The following KIAA1549 variants were observed in gnomAD, a reference collection of about 807,000 sequenced individuals.
The protein encoded by KIAA1549 is KIAA1549, also known as UPF0606 protein KIAA1549.
Under a neutral mutation model 156.4 loss-of-function variants are expected in KIAA1549, and 70 were observed. The observed-to-expected ratio is 0.45, with a 90% CI of 0.37 to 0.55. The LOEUF is 0.55. Ranked by LOEUF, KIAA1549 falls within the 20% of genes least tolerant of loss-of-function variation. KIAA1549 has a pLI of 0.00. For missense variants in KIAA1549, 2,428 were observed against 2,540.9 expected (o/e 0.96, Z 0.96); for synonymous variants, 1,103 against 1,066.4 (o/e 1.03, Z -0.67).
In KIAA1549 at chr7:138,837,639, G is replaced by A. The variant is rs948209640; in HGVS notation, c.*267C>T. ...AGTCATTTTGTTAGCTTAGGTTTGT[G>A]TTTTGTTTTTGTGAAGTGCTGCTGG... On this transcript the variant is annotated 3_prime_UTR_variant, in exon 20 of 20. Transcript: ENST00000422774. 1 of 558,052 alleles carries A rather than the reference G, an allele frequency of 1.8e-6. No individual in the cohort carries two copies. The highest frequency in any genetic ancestry group is 3.1e-6 in the Non-Finnish European group (1 of 318,382). 34.6% of individuals were successfully genotyped at this position (558,052 alleles called of 1,614,324 possible).
intron 15 of KIAA1549, among the ~76,000 whole-genome samples, chr7:138,865,943 G>A (rs928053192): frequency 3.9e-5 from 6 of 152,138 alleles, no homozygotes; most frequent in Admixed American, 3.3e-4. Flanking sequence ...CCTTCTATCT[G>A]TTTCACACCA....
intron 17 of KIAA1549, among the ~76,000 whole-genome samples, chr7:138,851,968 G>A (rs1482244374): frequency 6.6e-6 from 1 of 152,212 alleles, no homozygotes; most frequent in Admixed American, 6.5e-5. Flanking sequence ...ACTCTGTGGG[G>A]TTTTTAATGT....
intron 9 of KIAA1549, among the ~76,000 whole-genome samples, chr7:138,897,163 G>C (rs1384784707): frequency 6.6e-6 from 1 of 152,168 alleles, no homozygotes. Context: ...GGCTGGAGTA[G>C]GGCACGTCTC....
intron 2 of KIAA1549, among the ~76,000 whole-genome samples, chr7:138,916,122 AAG>A (rs1812313693): frequency 6.6e-6 from 1 of 152,142 alleles, no homozygotes; most frequent in Non-Finnish European, 1.5e-5. Flanking sequence ...TATAAGAGCA[AAG>A]AGTCACTTTA....
intron 3 of KIAA1549, among the ~76,000 whole-genome samples, chr7:138,911,674 T>A (rs1286454906): frequency 6.6e-6 from 1 of 152,214 alleles, no homozygotes; most frequent in Non-Finnish European, 1.5e-5. Flanking sequence ...AGTGGCCACA[T>A]TAAAAAACAT....
intron 1 of KIAA1549, among the ~76,000 whole-genome samples, chr7:138,950,097 G>C (rs140879764): frequency 1.3e-5 from 2 of 152,176 alleles, no homozygotes; most frequent in African/African-American, 4.8e-5. Flanking sequence ...ATTTCAGCTG[G>C]GGATGGTAGT....
chr7:138,897,090 A>G (rs1440646139), intron 9 of KIAA1549, among the ~76,000 whole-genome samples: 2 of 152,198 alleles, frequency 1.3e-5, no homozygotes, highest in African/African-American at 2.4e-5. Flanking sequence ...AAAGAGGTGC[A>G]AGATCACATC....
chr7:138,883,748 C>T (rs1027193755), intron 10 of KIAA1549, among the ~76,000 whole-genome samples: 8 of 152,190 alleles, frequency 5.3e-5, no homozygotes, highest in Non-Finnish European at 1.2e-4. Flanking sequence ...CAGCAATGGT[C>T]GTCCCAAGGG....
chr7:138,919,521 T>G, intron 1 of KIAA1549, 83 bp from the exon 2 acceptor site: 1 of 1,526,410 alleles, frequency 6.6e-7, no homozygotes. Context: ...GAGAATTTAC[T>G]CATTTAACAA....
At chr7:138,846,563 C>T (rs538460652) in intron 17 of KIAA1549, among the ~76,000 whole-genome samples, 23 of 146,650 alleles carry the variant, frequency 1.6e-4, no homozygotes, top group African/African-American at 5.3e-4. Flanking sequence ...AAAAAGACGA[C>T]GACTAGCAGT....
intron 1 of KIAA1549, among the ~76,000 whole-genome samples, chr7:138,940,108 G>A (rs1006469329): frequency 6.6e-6 from 1 of 152,112 alleles, no homozygotes; most frequent in African/African-American, 2.4e-5. Context: ...TTCATGTGCT[G>A]CACCCATTAA....
At chr7:138,955,884 C>T (rs538075738) in intron 1 of KIAA1549, among the ~76,000 whole-genome samples, 2 of 152,136 alleles carry the variant, frequency 1.3e-5, no homozygotes, top group Admixed American at 6.5e-5. Context: ...GAGGCACTGA[C>T]GGTTGTTTTT....
At chr7:138,912,609 G>A in intron 2 of KIAA1549, 149 bp from the exon 3 acceptor site, 1 of 655,808 alleles carries the variant, frequency 1.5e-6, no homozygotes, top group Non-Finnish European at 2.7e-6. Context: ...GACAGAACAG[G>A]GGTTAAGGAT....
Position 138,879,656 on chromosome 7 carries a change from G to A in KIAA1549, c.4230-3C>T. ...AGTCAGCATCTGAGGGAGAAACTCT[G>A]CAGACACAAAATGAATTGCAAACAT... On this transcript the variant is annotated splice_region_variant and splice_polypyrimidine_tract_variant and intron_variant, in intron 11 of 19. Coordinates refer to ENST00000422774, the MANE Select transcript of KIAA1549 (RefSeq NM_001164665.2). 1 of 1,492,850 alleles carries A rather than the reference G, an allele frequency of 6.7e-7. No individual in the cohort carries two copies. The highest frequency in any genetic ancestry group is 9.0e-7 in the Non-Finnish European group (1 of 1,105,396). The allele number at this position is 1,492,850 out of a possible 1,614,324, so 92.5% of individuals were successfully genotyped here.
At chr7:138,977,574 A>G (rs1814415615) in intron 1 of KIAA1549, among the ~76,000 whole-genome samples, 1 of 152,102 alleles carries the variant, frequency 6.6e-6, no homozygotes, top group African/African-American at 2.4e-5. Context: ...CATTTTGAAC[A>G]AAAGATGCAG....
At chr7:138,940,575 C>T (rs942088229) in intron 1 of KIAA1549, among the ~76,000 whole-genome samples, 1 of 151,682 alleles carries the variant, frequency 6.6e-6, no homozygotes, top group Non-Finnish European at 1.5e-5. Flanking sequence ...TTCTAGATCC[C>T]TGAGGAATCG....
rs1165842793 is a variant in KIAA1549, at chr7:138,918,333, T to G, written c.1293A>C (p.Gln431His). The change falls in exon 2 of 20, where the codon CAA becomes CAC. Residue 431 changes from glutamine (Q) to histidine (H), a missense_variant. Physicochemically the swap from Gln to His is conservative, Grantham distance 24. This residue lies in a region of KIAA1549 where 893 missense variants were observed against 847.9 expected (regional missense o/e 1.05). Coordinates refer to ENST00000422774, the MANE Select transcript of KIAA1549 (RefSeq NM_001164665.2). The surrounding 1 kb of genome is among the most constrained non-coding windows in gnomAD (Gnocchi z 4.2). ...TCTCCATGAGGCTCGTGGCCAGAAC[T>G]TGCTGAGGTGAAGGCACAGTGCAGG... is the stretch of plus-strand genomic sequence containing the variant. ...CAACTVPSPQ[Q>H]VLATSLMEKD... is the part of the protein sequence containing the mutation. The G allele has an allele frequency of 1.2e-6, 2 of 1,613,948 alleles. No homozygotes were observed.
At position 138,906,917 on chromosome 7, in the gene KIAA1549, A is replaced by C; in HGVS notation, c.3460+2T>G. The C allele has an allele frequency of 6.3e-7, 1 of 1,586,832 alleles. No individual in the cohort carries two copies. The highest frequency in any genetic ancestry group is 8.6e-7 in the Non-Finnish European group (1 of 1,168,644). ...CAGCATGTCCAAGAGGGCTGTACTC[A>C]CGCTCTGCGATCTGCAGCACTGGGT... is the stretch of plus-strand genomic sequence containing the variant. On this transcript the variant is annotated splice_donor_variant, in intron 6 of 19. Coordinates refer to ENST00000422774, the MANE Select transcript of KIAA1549 (RefSeq NM_001164665.2). LOFTEE classifies it high-confidence loss of function.
intron 15 of KIAA1549, among the ~76,000 whole-genome samples, chr7:138,864,633 T>G (rs1001467910): frequency 6.6e-6 from 1 of 152,232 alleles, no homozygotes; most frequent in Non-Finnish European, 1.5e-5. Context: ...TTACGGATTT[T>G]GGTGCCTATT....
Sources: allele counts gnomAD v4.1 joint callset (sites outside exome capture counted in the v4.1 genomes callset), GRCh38; gene constraint gnomAD v4.1.1; regional missense constraint gnomAD v4.1.1; non-coding constraint Gnocchi (gnomAD v3.1); transcripts MANE v1.5; gene names NCBI Gene and HGNC (gene_info 2026-07-23, HGNC 2026-07-21).